Variants in BTBD8 observed in about 807,000 individuals in gnomAD.
BTBD8 encodes BTB domain containing 8.
A neutral mutation model predicts 162.9 loss-of-function variants in BTBD8; 110 were observed. The observed-to-expected ratio is 0.68, with a 90% CI of 0.58 to 0.79. The LOEUF (loss-of-function observed/expected upper bound fraction) is 0.79, where lower values mean the gene tolerates loss of function less well. BTBD8 is among the 30% of genes least tolerant of loss of function. The pLI is 0.00. For missense variants in BTBD8, 1,905 were observed against 2,085.4 expected, an observed-to-expected ratio of 0.91 and a Z score of 1.68; for synonymous variants, 667 against 716.1, an observed-to-expected ratio of 0.93 and a Z score of 1.10.
At chr1:92,093,779 A>T (rs1648378913) in intron 2 of BTBD8, among the ~76,000 whole-genome samples, 2 of 152,166 alleles carry the variant, frequency 1.3e-5, no homozygotes, top group South Asian at 4.1e-4. Flanking sequence ...GGCTCAAATG[A>T]TTGTCAGTGG....
Position 92,177,284 on chromosome 1 carries a change from AGGAAAC to A in BTBD8, c.2092_2097del (p.Gly698_Asn699del). On this transcript the variant is annotated inframe_deletion, in exon 14 of 18. Coordinates refer to ENST00000636805, the MANE Select transcript of BTBD8 (RefSeq NM_001376131.1). ...CAGGTGCCAGACCCAAGGTACTCAC[AGGAAAC>A]TTAAATGTGCAAGCCAAAGCAAAGC... 1 of 1,552,148 alleles carries A rather than the reference AGGAAAC, an allele frequency of 6.4e-7. No individual in the cohort carries two copies. Among genetic ancestry groups the A allele is most frequent in the Non-Finnish European group, 8.7e-7 (1 of 1,147,102 alleles).
intron 9 of BTBD8, among the ~76,000 whole-genome samples, chr1:92,160,000 T>C (rs1418979027): frequency 1.3e-5 from 2 of 152,168 alleles, no homozygotes; most frequent in African/African-American, 4.8e-5. Context: ...TTTTCTCCTT[T>C]CTCCTTTGGA....
chr1:92,135,984 T>C (rs916771444), intron 5 of BTBD8, among the ~76,000 whole-genome samples: 1 of 152,208 alleles, frequency 6.6e-6, no homozygotes, highest in Non-Finnish European at 1.5e-5. Context: ...ACAGATAATA[T>C]GCTTAATTAT....
At chr1:92,145,736 C>T (rs773431184) in intron 7 of BTBD8, among the ~76,000 whole-genome samples, 1 of 152,132 alleles carries the variant, frequency 6.6e-6, no homozygotes, top group Non-Finnish European at 1.5e-5. Context: ...AATCCCAGCA[C>T]TTTGGGAGGC....
chr1:92,160,445 C>A (rs973368688), intron 9 of BTBD8, among the ~76,000 whole-genome samples: 1 of 152,062 alleles, frequency 6.6e-6, no homozygotes, highest in African/African-American at 2.4e-5. Flanking sequence ...TTTCTGCCTA[C>A]AGCTACCTCT....
At chr1:92,150,093 A>G (rs1650012491) in intron 9 of BTBD8, among the ~76,000 whole-genome samples, 1 of 152,242 alleles carries the variant, frequency 6.6e-6, no homozygotes, top group Admixed American at 6.5e-5. Context: ...CACCGATGTC[A>G]TTGATGGGTC....
chr1:92,157,853 C>G (rs1382328955), intron 9 of BTBD8, among the ~76,000 whole-genome samples: 1 of 152,146 alleles, frequency 6.6e-6, no homozygotes, highest in East Asian at 1.9e-4. Context: ...TTCCTACTAT[C>G]TTTGTATTGC....
chr1:92,177,616 A>C, intron 14 of BTBD8, 70 bp downstream of exon 14: 1 of 1,077,384 alleles, frequency 9.3e-7, no homozygotes, highest in Non-Finnish European at 1.3e-6. Context: ...AAAAACCTAA[A>C]CCTGTATTTG....
chr1:92,171,370 T>G, intron 12 of BTBD8, 29 bp from the exon 13 acceptor site: 1 of 1,518,978 alleles, frequency 6.6e-7, no homozygotes, highest in South Asian at 1.3e-5. Context: ...ATGTTCCTTA[T>G]AAAAACAAAT....
At chr1:92,178,729 T>C (rs557145316) in intron 16 of BTBD8, among the ~76,000 whole-genome samples, 7 of 152,234 alleles carry the variant, frequency 4.6e-5, no homozygotes, top group African/African-American at 1.7e-4. Context: ...CACACTGCAG[T>C]CCTCCTTCCT....
chr1:92,080,392 A>C lies in BTBD8; in HGVS notation c.-180A>C. On this transcript the variant is annotated 5_prime_UTR_variant, in exon 1 of 18. Coordinates refer to ENST00000636805, the MANE Select transcript of BTBD8 (RefSeq NM_001376131.1). ...CGGTTCTGGGATTCTGAGGCTCCCC[A>C]CCGCGGTCCGGCTTCTCTGGGAGAC... 1 of 833,794 alleles carries C rather than the reference A, an allele frequency of 1.2e-6. No individual in the cohort carries two copies. The highest frequency in any genetic ancestry group is 1.8e-6 in the Non-Finnish European group (1 of 561,618). 51.6% of individuals were successfully genotyped at this position (833,794 alleles called of 1,614,324 possible).
At chr1:92,148,376 A>G (rs921163284) in intron 9 of BTBD8, among the ~76,000 whole-genome samples, 3 of 152,186 alleles carry the variant, frequency 2.0e-5, no homozygotes, top group Non-Finnish European at 4.4e-5. Context: ...ACCAGCTAAT[A>G]AAGTATAGAA....
chr1:92,179,143 G>A (rs894838750), intron 16 of BTBD8, among the ~76,000 whole-genome samples: 1 of 151,984 alleles, frequency 6.6e-6, no homozygotes, highest in African/African-American at 2.4e-5. Context: ...CTACTTGGGA[G>A]GCTGAGACAG....
intron 7 of BTBD8, among the ~76,000 whole-genome samples, chr1:92,145,099 G>T (rs1448136803): frequency 6.6e-6 from 1 of 152,048 alleles, no homozygotes; most frequent in Non-Finnish European, 1.5e-5. Context: ...GAGTAGCTGG[G>T]ATTACAGGCA....
At chr1:92,177,622 ATTTGGGC>A in intron 14 of BTBD8, 76 bp downstream of exon 14, 1 of 1,040,370 alleles carries the variant, frequency 9.6e-7, no homozygotes, top group South Asian at 1.7e-5. Flanking sequence ...CTAAACCTGT[ATTTGGGC>A]TTTTATTTAG....
chr1:92,103,706 G>A (rs776320035), intron 3 of BTBD8, among the ~76,000 whole-genome samples: 2 of 152,132 alleles, frequency 1.3e-5, no homozygotes, highest in Non-Finnish European at 2.9e-5. Context: ...TCTTTGGGAG[G>A]GGAGGAGAAG....
At chr1:92,119,983 C>G (rs1330800381) in intron 4 of BTBD8, among the ~76,000 whole-genome samples, 1 of 149,284 alleles carries the variant, frequency 6.7e-6, no homozygotes, top group African/African-American at 2.5e-5. Flanking sequence ...TCGCTGCAAC[C>G]TCTACCTCCT....
At chr1:92,126,660 G>A (rs1413920049) in intron 4 of BTBD8, among the ~76,000 whole-genome samples, 1 of 152,192 alleles carries the variant, frequency 6.6e-6, no homozygotes, top group East Asian at 1.9e-4. Flanking sequence ...CAATTAAATA[G>A]AGTTTTATGG....
At chr1:92,103,921 G>C (rs953719352) in intron 3 of BTBD8, among the ~76,000 whole-genome samples, 1 of 152,176 alleles carries the variant, frequency 6.6e-6, no homozygotes, top group African/African-American at 2.4e-5. Flanking sequence ...CCCAATAGTT[G>C]GTTATCTGAA....
Sources: gnomAD v4.1 joint callset for allele counts (sites outside exome capture counted in the v4.1 genomes callset) on GRCh38, gnomAD v4.1.1 for gene constraint, MANE v1.5 for transcripts, NCBI Gene and HGNC (gene_info 2026-07-23, HGNC 2026-07-21) for gene names.